PPA2: variants seen among roughly 807,000 people sequenced by gnomAD.
PPA2 encodes the protein inorganic pyrophosphatase 2, also known as inorganic pyrophosphatase 2, mitochondrial.
In PPA2, 48 loss-of-function variants were observed where a neutral mutation model predicts 49.5. That is an observed-to-expected ratio of 0.97 (90% CI 0.77 to 1.23). The LOEUF is 1.23. Among genes scored for constraint, PPA2 ranks in the 50% most tolerant of loss-of-function variants. The pLI, the probability that PPA2 is intolerant of heterozygous loss-of-function variation, is 0.00. For synonymous variants in PPA2, 131 were observed against 139.9 expected, an observed-to-expected ratio of 0.94 and a Z score of 0.45; for missense variants, 429 against 410.1, an observed-to-expected ratio of 1.05 and a Z score of -0.40.
intron 6 of PPA2, among the ~76,000 whole-genome samples, chr4:105,426,548 G>A (rs566341412): frequency 2.0e-5 from 3 of 152,320 alleles, no homozygotes; most frequent in African/African-American, 2.4e-5. Context: ...TGCCTGGCTC[G>A]GCGGGTCCCA....
intron 7 of PPA2, among the ~76,000 whole-genome samples, chr4:105,419,543 A>G (rs1416902552): frequency 6.6e-6 from 1 of 152,236 alleles, no homozygotes; most frequent in African/African-American, 2.4e-5. Context: ...GTGAAACTAG[A>G]AGACTTAAAA....
At chr4:105,439,078 A>C (rs180872507) in intron 5 of PPA2, among the ~76,000 whole-genome samples, 61 of 152,318 alleles carry the variant, frequency 4.0e-4, no homozygotes, top group Non-Finnish European at 5.0e-4. Flanking sequence ...CTACTAAGAA[A>C]ATATAAGAAT....
rs199917508 is a variant in PPA2 at position 105,472,739 on chromosome 4, TCTTCTTTCCCACAAAATAATC to T, written c.157+1134_157+1154del. 6.6e-5 allele frequency among the ~76,000 whole-genome samples: 10 copies of T among 152,308 alleles called. No individual in the cohort carries two copies. The East Asian group carries it at 1.2e-3, about 18-fold the overall frequency. On this transcript the variant is annotated intron_variant, in intron 1 of 11. Coordinates refer to ENST00000341695, the MANE Select transcript of PPA2 (RefSeq NM_176869.3). ...TATAATCACACGACTTTAGGCAAAC[TCTTCTTTCCCACAAAATAATC>T]CTCGACCCTAAACTCATGTAGCATA...
At chr4:105,435,231 A>G (rs1321695221) in intron 6 of PPA2, among the ~76,000 whole-genome samples, 1 of 152,174 alleles carries the variant, frequency 6.6e-6, no homozygotes, top group Non-Finnish European at 1.5e-5. Flanking sequence ...CCTAACCGAG[A>G]ACTATTTTTT....
chr4:105,399,446 T>C, intron 7 of PPA2: 1 of 224,762 alleles, frequency 4.4e-6, no homozygotes, highest in Non-Finnish European at 8.6e-6. Flanking sequence ...ACAACAAAGT[T>C]CTTTTCATCA....
chr4:105,374,548 T>C (rs961855366), intron 10 of PPA2, among the ~76,000 whole-genome samples: 8 of 152,242 alleles, frequency 5.3e-5, no homozygotes, highest in African/African-American at 9.6e-5. Context: ...ATAAACTGTA[T>C]TTTAAACAAA....
chr4:105,459,966 T>G (rs1461190119), intron 1 of PPA2, among the ~76,000 whole-genome samples: 1 of 152,230 alleles, frequency 6.6e-6, no homozygotes, highest in East Asian at 1.9e-4. Flanking sequence ...AGACCTGTTC[T>G]GTACTTTGTG....
At chr4:105,372,743 A>C (rs72665984) in intron 10 of PPA2, among the ~76,000 whole-genome samples, 14,231 of 152,216 alleles carry the variant, frequency 0.093, 797 homozygotes, top group Non-Finnish European at 0.13. Flanking sequence ...CACCAGCCCA[A>C]CTGCAAATTT....
chr4:105,389,758 T>C (rs2636729), intron 9 of PPA2, among the ~76,000 whole-genome samples: 64,525 of 152,020 alleles, frequency 0.42, 14,336 homozygotes, highest in East Asian at 0.68. Context: ...AAGACAGTGT[T>C]CAGGATAAAG....
At chr4:105,472,753 A>G (rs1471461513) in intron 1 of PPA2, among the ~76,000 whole-genome samples, 1 of 152,188 alleles carries the variant, frequency 6.6e-6, no homozygotes, top group Non-Finnish European at 1.5e-5. Context: ...CTTTCCCACA[A>G]AATAATCCTC....
chr4:105,373,478 T>C (rs991707480), intron 10 of PPA2, among the ~76,000 whole-genome samples: 10 of 152,114 alleles, frequency 6.6e-5, no homozygotes, highest in Admixed American at 2.0e-4. Flanking sequence ...TTTTCTCAAA[T>C]TAGCTGTTTA....
At chr4:105,424,603 C>T (rs542229453) in intron 6 of PPA2, among the ~76,000 whole-genome samples, 2 of 152,274 alleles carry the variant, frequency 1.3e-5, no homozygotes, top group South Asian at 4.1e-4. Context: ...TATGAAATCA[C>T]TCGTTTCAGA....
intron 3 of PPA2, among the ~76,000 whole-genome samples, chr4:105,450,486 C>T (rs745692385): frequency 6.6e-6 from 1 of 151,604 alleles, no homozygotes; most frequent in African/African-American, 2.4e-5. Flanking sequence ...AAGCAATTCT[C>T]CTGCCTCAGC....
intron 5 of PPA2, among the ~76,000 whole-genome samples, chr4:105,446,029 T>A (rs1268319006): frequency 6.6e-6 from 1 of 152,132 alleles, no homozygotes; most frequent in Non-Finnish European, 1.5e-5. Context: ...CATATATGAA[T>A]GTGTATAAAA....
chr4:105,392,273 CAAA>C (rs902620414), intron 9 of PPA2, among the ~76,000 whole-genome samples: 4 of 147,356 alleles, frequency 2.7e-5, no homozygotes, highest in South Asian at 2.1e-4. Context: ...ACAACAACAA[CAAA>C]AAAAAAAACT....
At chr4:105,403,903 C>G (rs1703850885) in intron 7 of PPA2, among the ~76,000 whole-genome samples, 1 of 144,296 alleles carries the variant, frequency 6.9e-6, no homozygotes, top group Admixed American at 7.0e-5. Context: ...TCTTTCTACT[C>G]TTTTTTTTTT....
chr4:105,429,072 T>TC (rs984059071), intron 6 of PPA2, among the ~76,000 whole-genome samples: 22 of 152,214 alleles, frequency 1.4e-4, no homozygotes, highest in African/African-American at 3.6e-4. Flanking sequence ...AGGGAATTTC[T>TC]CTGGCTGCTC....
At chr4:105,452,621 A>C (rs1288626528) in intron 3 of PPA2, among the ~76,000 whole-genome samples, 12 of 152,202 alleles carry the variant, frequency 7.9e-5, no homozygotes, top group Non-Finnish European at 1.5e-5. Context: ...AGGCCCCCAC[A>C]GGTATGTTTG....
intron 6 of PPA2, among the ~76,000 whole-genome samples, chr4:105,428,278 G>C (rs533039529): frequency 2.8e-4 from 42 of 152,268 alleles, no homozygotes; most frequent in African/African-American, 1.0e-3. Flanking sequence ...ATGCTATGAA[G>C]AAACTTCATC....
Sources: gnomAD v4.1 joint callset for allele counts (sites outside exome capture counted in the v4.1 genomes callset) on GRCh38, gnomAD v4.1.1 for gene constraint, MANE v1.5 for transcripts, NCBI Gene and HGNC (gene_info 2026-07-23, HGNC 2026-07-21) for gene names.